Variants in RFFL observed in about 807,000 individuals in gnomAD.
The protein encoded by RFFL is E3 ubiquitin-protein ligase rififylin.
Under a neutral mutation model 40.4 loss-of-function variants are expected in RFFL, and 16 were observed. The ratio of observed to expected loss-of-function variants is 0.40; its 90% CI spans 0.27 to 0.60. RFFL has a LOEUF of 0.60. RFFL is among the 20% of genes least tolerant of loss of function. The pLI is 0.47. For missense variants in RFFL, 367 were observed against 451.7 expected, an observed-to-expected ratio of 0.81 and a Z score of 1.70; for synonymous variants, 154 against 167.9, an observed-to-expected ratio of 0.92 and a Z score of 0.64.
At chr17:35,070,397 T>C (rs990901200) in intron 1 of RFFL, among the ~76,000 whole-genome samples, 1 of 152,110 alleles carries the variant, frequency 6.6e-6, no homozygotes, top group Non-Finnish European at 1.5e-5. Flanking sequence ...CTCAAACACC[T>C]AGGCTCAAGC....
rs920874854 is a variant in RFFL, at chr17:35,008,320, A to AAGTT, written c.*3644_*3647dup. 1 of 152,264 alleles carries AAGTT rather than the reference A, an allele frequency of 6.6e-6. No individual in the cohort carries two copies. Among genetic ancestry groups the AAGTT allele is most frequent in the Non-Finnish European group, 1.5e-5 (1 of 68,058 alleles). The allele number at this position is 152,264 out of a possible 1,614,324, so 9.4% of individuals were successfully genotyped here. ...ATATATTACATTTGTGGTCTTGAGC[A>AAGTT]AGTTAGTTAGTTACAACAACACTGA... On this transcript the variant is annotated 3_prime_UTR_variant, in exon 7 of 7. Transcript: ENST00000394597.
intron 1 of RFFL, among the ~76,000 whole-genome samples, chr17:35,055,064 C>A (rs1055428747): frequency 6.6e-6 from 1 of 151,920 alleles, no homozygotes; most frequent in Non-Finnish European, 1.5e-5. Flanking sequence ...ACTACGGGTG[C>A]CCACCAGCAC....
intron 1 of RFFL, among the ~76,000 whole-genome samples, chr17:35,088,431 C>A (rs1296178521): frequency 6.6e-6 from 1 of 152,156 alleles, no homozygotes; most frequent in African/African-American, 2.4e-5. Context: ...GACGTGCCAG[C>A]GGAGGCTCTG....
At chr17:35,041,055 T>C (rs1189034395) in intron 1 of RFFL, among the ~76,000 whole-genome samples, 1 of 151,924 alleles carries the variant, frequency 6.6e-6, no homozygotes, top group Non-Finnish European at 1.5e-5. Flanking sequence ...TTTAATGTCA[T>C]TTTCTAATTT....
At chr17:35,057,367 T>C (rs2091267382) in intron 1 of RFFL, among the ~76,000 whole-genome samples, 6 of 151,912 alleles carry the variant, frequency 3.9e-5, no homozygotes, top group Admixed American at 3.9e-4. Context: ...TTCCTTCAAT[T>C]CCTCAAAAAT....
chr17:35,068,935 G>C (rs2091333601), intron 1 of RFFL, among the ~76,000 whole-genome samples: 1 of 152,050 alleles, frequency 6.6e-6, no homozygotes, highest in South Asian at 2.1e-4. Context: ...CTATTTCTTA[G>C]TTTTCTGTTT....
chr17:35,040,825 A>C (rs181845060), intron 1 of RFFL, among the ~76,000 whole-genome samples: 185 of 145,350 alleles, frequency 1.3e-3, no homozygotes, highest in African/African-American at 4.5e-3. Flanking sequence ...TGTCATCCAA[A>C]CATCAGCTTT....
intron 1 of RFFL, chr17:35,076,970 C>A: frequency 3.3e-6 from 1 of 307,084 alleles, no homozygotes; most frequent in South Asian, 3.7e-5. Flanking sequence ...CCACCTAAAC[C>A]CAAGAGGGCA....
At chr17:35,054,066 C>T (rs2091246219) in intron 1 of RFFL, among the ~76,000 whole-genome samples, 1 of 152,174 alleles carries the variant, frequency 6.6e-6, no homozygotes, top group African/African-American at 2.4e-5. Flanking sequence ...TAGATTGGCA[C>T]CACCCTGGCC....
At position 35,009,494 on chromosome 17, in the gene RFFL, T is replaced by A. The variant is rs1009552282; in HGVS notation, c.*2474A>T. The A allele has an allele frequency of 9.2e-5, 14 of 151,932 alleles. No homozygotes were observed. The highest frequency in any genetic ancestry group is 3.4e-4 in the African/African-American group (14 of 41,360). 9.4% of individuals were successfully genotyped at this position (151,932 alleles called of 1,614,324 possible). On this transcript the variant is annotated 3_prime_UTR_variant, in exon 7 of 7. Transcript: ENST00000394597. Reference sequence around the variant, plus strand: ...GGGGCAGAAGGGAGGATTCAAAGATTTAAAAAAAATCAAATTTTAGACCTT... The same window carrying A: ...GGGGCAGAAGGGAGGATTCAAAGATATAAAAAAAATCAAATTTTAGACCTT...
At chr17:35,035,761 C>T (rs1597823332) in intron 1 of RFFL, among the ~76,000 whole-genome samples, 1 of 151,640 alleles carries the variant, frequency 6.6e-6, no homozygotes, top group Non-Finnish European at 1.5e-5. Flanking sequence ...TAGAGTGCAA[C>T]GGCAAGATCT....
At chr17:35,079,169 C>T (rs921613049) in intron 1 of RFFL, among the ~76,000 whole-genome samples, 3 of 152,028 alleles carry the variant, frequency 2.0e-5, no homozygotes, top group Admixed American at 6.5e-5. Context: ...ATTACAGGCA[C>T]GCACCACCAT....
Position 35,012,164 on chromosome 17 carries a change from A to G in RFFL, c.911-15T>C, listed in dbSNP as rs1205331360. 6.2e-6 allele frequency: 10 copies of G among 1,610,616 alleles called. No individual in the cohort carries two copies. The highest frequency in any genetic ancestry group is 8.5e-6 in the Non-Finnish European group (10 of 1,177,632). ...TACTGCTCCCCCTGTACAAACACAC[A>G]GGGCAGAAAAAAAGGGGCAGAGGAG... is the stretch of plus-strand genomic sequence containing the variant. On this transcript the variant is annotated splice_polypyrimidine_tract_variant and intron_variant, in intron 6 of 6. Coordinates refer to ENST00000394597, the MANE Select transcript of RFFL (RefSeq NM_001017368.2).
At chr17:35,018,781 A>G (rs1597813316) in intron 3 of RFFL, 1 of 152,394 alleles carries the variant, frequency 6.6e-6, no homozygotes, top group East Asian at 1.9e-4. Flanking sequence ...GTCTTCATCA[A>G]CAACGTTTTC....
intron 1 of RFFL, among the ~76,000 whole-genome samples, chr17:35,060,148 G>A (rs1255352532): frequency 1.8e-4 from 28 of 152,304 alleles, no homozygotes; most frequent in Non-Finnish European, 2.9e-5. Context: ...TACTCCACCA[G>A]GGCAGCAGGT....
intron 1 of RFFL, among the ~76,000 whole-genome samples, chr17:35,076,327 T>C (rs1471566067): frequency 6.6e-6 from 1 of 152,038 alleles, no homozygotes; most frequent in Admixed American, 6.6e-5. Context: ...AAAGGTTGGC[T>C]ACTGTGGGCA....
intron 1 of RFFL, among the ~76,000 whole-genome samples, chr17:35,086,948 T>C (rs1293280848): frequency 1.3e-5 from 2 of 152,240 alleles, no homozygotes; most frequent in Non-Finnish European, 2.9e-5. Context: ...GGTGTGACTG[T>C]ATTTAAATAA....
intron 1 of RFFL, among the ~76,000 whole-genome samples, chr17:35,055,093 T>C (rs995105647): frequency 1.3e-5 from 2 of 152,028 alleles, no homozygotes; most frequent in African/African-American, 2.4e-5. Context: ...AATTTTTTTG[T>C]ATTTTTAGTA....
chr17:35,071,794 G>T (rs2091352376), intron 1 of RFFL, among the ~76,000 whole-genome samples: 1 of 152,098 alleles, frequency 6.6e-6, no homozygotes, highest in African/African-American at 2.4e-5. Flanking sequence ...CCCCAAACTG[G>T]TAACAACTAA....
Sources: allele counts gnomAD v4.1 joint callset (sites outside exome capture counted in the v4.1 genomes callset), GRCh38; gene constraint gnomAD v4.1.1; transcripts MANE v1.5; gene names NCBI Gene and HGNC (gene_info 2026-07-23, HGNC 2026-07-21).